Variants in CADM1 observed in about 807,000 individuals in gnomAD.
CADM1 encodes the protein TSLC-1.
Under a neutral mutation model 53.1 loss-of-function variants are expected in CADM1, and 15 were observed. The observed-to-expected ratio is 0.28, with a 90% CI of 0.19 to 0.44. The LOEUF (loss-of-function observed/expected upper bound fraction) is 0.44. Among genes scored for constraint, CADM1 ranks in the 20% least tolerant of loss-of-function variants. The pLI is 1.00. For missense variants in CADM1, 434 were observed against 611.3 expected (o/e 0.71, Z 3.06); for synonymous variants, 281 against 243.0 (o/e 1.16, Z -1.45).
intron 1 of CADM1, among the ~76,000 whole-genome samples, chr11:115,253,939 A>G (rs1334323270): frequency 2.0e-5 from 3 of 152,206 alleles, no homozygotes; most frequent in Non-Finnish European, 4.4e-5. Context: ...GCCAGTTATT[A>G]GGCAGACCTT....
intron 1 of CADM1, among the ~76,000 whole-genome samples, chr11:115,381,848 T>C (rs576215014): frequency 1.3e-5 from 2 of 152,144 alleles, no homozygotes; most frequent in South Asian, 4.2e-4. Flanking sequence ...GTTCTAATAA[T>C]AGGATTTTTT....
chr11:115,284,114 CTGTGTGTGTGTGTGTGTGTG>C (rs751286330), intron 1 of CADM1, among the ~76,000 whole-genome samples: 1 of 98,616 alleles, frequency 1.0e-5, no homozygotes, highest in East Asian at 2.6e-4. Flanking sequence ...CTCTCTCTCT[CTGTGTGTGTGTGTGTGTGTG>C]TGTGTGTGTG....
intron 1 of CADM1, among the ~76,000 whole-genome samples, chr11:115,419,184 C>A (rs1947691339): frequency 6.6e-6 from 1 of 152,138 alleles, no homozygotes; most frequent in Non-Finnish European, 1.5e-5. Flanking sequence ...CTCTTTCAAC[C>A]CATCTTTATG....
intron 1 of CADM1, among the ~76,000 whole-genome samples, chr11:115,317,377 A>T (rs1344066748): frequency 1.3e-5 from 2 of 151,874 alleles, no homozygotes; most frequent in African/African-American, 4.8e-5. Flanking sequence ...AGCTAATAAG[A>T]GTGGTTATAA....
intron 1 of CADM1, among the ~76,000 whole-genome samples, chr11:115,244,969 T>G (rs12277228): frequency 0.014 from 2,109 of 152,320 alleles, 46 homozygotes; most frequent in African/African-American, 0.047. Flanking sequence ...TCGCCCCCGC[T>G]GCCTGGCTGT....
chr11:115,350,411 A>AG (rs1210088954), intron 1 of CADM1, among the ~76,000 whole-genome samples: 19 of 152,134 alleles, frequency 1.2e-4, no homozygotes, highest in Non-Finnish European at 1.6e-4. Flanking sequence ...AAGGCAGGGA[A>AG]GGGGAGAGGT....
At chr11:115,276,984 T>A (rs1943463018) in intron 1 of CADM1, among the ~76,000 whole-genome samples, 1 of 152,172 alleles carries the variant, frequency 6.6e-6, no homozygotes, top group Admixed American at 6.5e-5. Context: ...AAAGACCACA[T>A]TTTCTCAACA....
At chr11:115,336,234 C>T (rs59340044) in intron 1 of CADM1, among the ~76,000 whole-genome samples, 2,156 of 152,184 alleles carry the variant, frequency 0.014, 46 homozygotes, top group African/African-American at 0.043. Context: ...CAGGCTAAGG[C>T]TCCCACAACT....
intron 1 of CADM1, among the ~76,000 whole-genome samples, chr11:115,451,793 G>T (rs1225825383): frequency 6.6e-6 from 1 of 151,982 alleles, no homozygotes; most frequent in Non-Finnish European, 1.5e-5. Context: ...CCTAACTACA[G>T]GGAAACAATC....
chr11:115,308,221 T>C (rs981413840), intron 1 of CADM1, among the ~76,000 whole-genome samples: 1 of 111,170 alleles, frequency 9.0e-6, no homozygotes, highest in African/African-American at 3.6e-5. Flanking sequence ...TACACACCTA[T>C]GAGAAGGTTT....
At chr11:115,310,470 C>T (rs1293808631) in intron 1 of CADM1, among the ~76,000 whole-genome samples, 1 of 152,094 alleles carries the variant, frequency 6.6e-6, no homozygotes, top group Non-Finnish European at 1.5e-5. Context: ...TCTCAAACCT[C>T]AAATTTTCTA....
intron 1 of CADM1, among the ~76,000 whole-genome samples, chr11:115,280,793 T>C (rs1036244752): frequency 6.6e-5 from 10 of 152,222 alleles, no homozygotes; most frequent in Non-Finnish European, 1.3e-4. Context: ...AGAAGATACA[T>C]TTTCTATCAA....
chr11:115,433,125 AC>A lies in CADM1; in HGVS notation c.124+71145del, dbSNP rs557427044. Among the ~76,000 whole-genome samples, 25 of 151,724 alleles carry A rather than the reference AC, an allele frequency of 1.6e-4. No individual in the cohort carries two copies. In the East Asian group the frequency reaches 2.9e-3, roughly 18 times the overall value. ...TTGGTGGTGGGGGAAGACACAGACC[AC>A]CCCCCCACCCAAACATCACACACAC... On this transcript the variant is annotated intron_variant, in intron 1 of 11. Coordinates refer to ENST00000331581, the MANE Select transcript of CADM1 (RefSeq NM_001301043.2).
At position 115,190,768 on chromosome 11, in the gene CADM1, T is replaced by G. The variant is rs142998989; in HGVS notation, c.1165+120A>C. 6.0e-5 allele frequency: 47 copies of G among 777,584 alleles called. No individual in the cohort carries two copies. In the African/African-American group the frequency reaches 7.1e-4, roughly 12 times the overall value. The allele number at this position is 777,584 out of a possible 1,614,324, so 48.2% of individuals were successfully genotyped here. On this transcript the variant is annotated intron_variant, in intron 10 of 11. Transcript: ENST00000331581. Reference sequence around the variant, plus strand: ...GAAGACAGTATTGATACAAATTTGTTTTTTGTTAGTCTCAAAATCCACACT... The same window carrying G: ...GAAGACAGTATTGATACAAATTTGTGTTTTGTTAGTCTCAAAATCCACACT...
chr11:115,194,988 CAG>C (rs1251147925), intron 9 of CADM1, among the ~76,000 whole-genome samples: 1 of 152,180 alleles, frequency 6.6e-6, no homozygotes, highest in Non-Finnish European at 1.5e-5. Flanking sequence ...CAGGATTTGG[CAG>C]AGTGTTTTTT....
chr11:115,173,681 T>C lies in CADM1; in HGVS notation c.*2793A>G. 1 of 504,220 alleles carries C rather than the reference T, an allele frequency of 2.0e-6. No homozygotes were observed. The highest frequency in any genetic ancestry group is 2.5e-6 in the Non-Finnish European group (1 of 405,416). 31.2% of individuals were successfully genotyped at this position (504,220 alleles called of 1,614,324 possible). ...GAAGACAGATATTTTATAGTACTTC[T>C]TTTTTTTCTTTTTTTTTTTGTAAAA... On this transcript the variant is annotated 3_prime_UTR_variant, in exon 12 of 12. Transcript: ENST00000331581.
rs77756561 is a variant in CADM1, at chr11:115,358,292, G to A, written c.125-117872C>T. Among the ~76,000 whole-genome samples, 8 of 152,146 alleles carry A rather than the reference G, an allele frequency of 5.3e-5. No individual in the cohort carries two copies. In the East Asian group the frequency reaches 5.8e-4, roughly 11 times the overall value. On this transcript the variant is annotated intron_variant, in intron 1 of 11. Transcript: ENST00000331581. ...AAGTATTGTATTAGCCCATTTTCAC[G>A]CTGCTGATAAAGACATACTGGAGAC...
intron 1 of CADM1, among the ~76,000 whole-genome samples, chr11:115,422,346 C>T (rs192652125): frequency 1.2e-3 from 179 of 152,192 alleles, no homozygotes; most frequent in Non-Finnish European, 2.4e-3. Context: ...TCGTTTGACC[C>T]GAAGCTGCAG....
chr11:115,219,696 C>T (rs549991092), intron 5 of CADM1, among the ~76,000 whole-genome samples: 1 of 152,266 alleles, frequency 6.6e-6, no homozygotes, highest in African/African-American at 2.4e-5. Context: ...CTTGAACCAG[C>T]ACTGGGTGGC....
Sources: gnomAD v4.1 joint callset for allele counts (sites outside exome capture counted in the v4.1 genomes callset) on GRCh38, gnomAD v4.1.1 for gene constraint, MANE v1.5 for transcripts, NCBI Gene and HGNC (gene_info 2026-07-23, HGNC 2026-07-21) for gene names.